Variants in CDK8 observed in about 807,000 individuals in gnomAD.
CDK8 encodes cyclin-dependent kinase 8.
Under a neutral mutation model 71.5 loss-of-function variants are expected in CDK8, and 29 were observed. That is an observed-to-expected ratio of 0.41 (90% CI 0.30 to 0.55). The LOEUF (loss-of-function observed/expected upper bound fraction) is 0.55. Among genes scored for constraint, CDK8 ranks in the 20% least tolerant of loss-of-function variants. The pLI, the probability that CDK8 is intolerant of heterozygous loss-of-function variation, is 0.37. For synonymous variants in CDK8, 161 were observed against 192.1 expected (o/e 0.84, Z 1.34); for missense variants, 288 against 572.6 (o/e 0.50, Z 5.07).
chr13:26,329,483 GT>G (rs543441898), intron 1 of CDK8, among the ~76,000 whole-genome samples: 8 of 128,492 alleles, frequency 6.2e-5, no homozygotes, highest in African/African-American at 2.5e-4. Flanking sequence ...TTTTTTTTTT[GT>G]TTTTTTTTTG....
At chr13:26,255,016 G>A (rs1871456446) in intron 1 of CDK8, among the ~76,000 whole-genome samples, 2 of 152,196 alleles carry the variant, frequency 1.3e-5, no homozygotes, top group Admixed American at 6.5e-5. Flanking sequence ...CTGCACCGTG[G>A]GCTGTATACT....
chr13:26,391,001 TAAAA>T lies in CDK8; in HGVS notation c.647-2353_647-2350del, dbSNP rs199698945. ...GACTTTCCATGAATTGGGCACAATCTAAAAAAAAAAAAAAAACAAGGTAGGAAAA... is the reference window on the plus strand; with the variant it reads ...GACTTTCCATGAATTGGGCACAATCTAAAAAAAAAAAACAAGGTAGGAAAA... On this transcript the variant is annotated intron_variant, in intron 6 of 12. Coordinates refer to ENST00000381527, the MANE Select transcript of CDK8 (RefSeq NM_001260.3). Among the ~76,000 whole-genome samples, 7 of 121,646 alleles carry T rather than the reference TAAAA, an allele frequency of 5.8e-5. 1 individual carries two copies. Among genetic ancestry groups the T allele is most frequent in the Admixed American group, 2.5e-4 (3 of 12,084 alleles). The allele number at this position is 121,646 out of a possible 152,430, so 79.8% of individuals were successfully genotyped here. A position where few individuals can be genotyped will look rare whatever the true frequency, so the allele number is the denominator to read the frequency against.
At chr13:26,311,988 C>G (rs993615625) in intron 1 of CDK8, among the ~76,000 whole-genome samples, 7 of 152,210 alleles carry the variant, frequency 4.6e-5, no homozygotes, top group Non-Finnish European at 1.0e-4. Flanking sequence ...AGCTCTGTAA[C>G]AGCAAATACT....
intron 1 of CDK8, among the ~76,000 whole-genome samples, chr13:26,287,238 C>T (rs1400094186): frequency 6.6e-6 from 1 of 152,196 alleles, no homozygotes; most frequent in Non-Finnish European, 1.5e-5. Context: ...ATGGAGCCCA[C>T]TTAAATGCCC....
chr13:26,311,264 C>T (rs1332186233), intron 1 of CDK8, among the ~76,000 whole-genome samples: 1 of 152,132 alleles, frequency 6.6e-6, no homozygotes, highest in African/African-American at 2.4e-5. Context: ...TAAAAGATCT[C>T]ACATTTTCTT....
intron 1 of CDK8, among the ~76,000 whole-genome samples, chr13:26,269,089 G>A (rs1367143110): frequency 2.0e-5 from 3 of 152,168 alleles, no homozygotes; most frequent in Non-Finnish European, 4.4e-5. Flanking sequence ...AGCCCTTTCT[G>A]TTGCCAGTAG....
At chr13:26,271,711 G>A (rs1019364650) in intron 1 of CDK8, among the ~76,000 whole-genome samples, 4 of 151,542 alleles carry the variant, frequency 2.6e-5, no homozygotes, top group East Asian at 1.9e-4. Flanking sequence ...TCAGGAGACC[G>A]AGGCGGTAGG....
chr13:26,323,298 TGAGAGAGAGA>T (rs10523917), intron 1 of CDK8, among the ~76,000 whole-genome samples: 7 of 132,144 alleles, frequency 5.3e-5, no homozygotes, highest in Admixed American at 1.5e-4. Flanking sequence ...TCCTCACATG[TGAGAGAGAGA>T]GAGAGAGAGA....
chr13:26,341,034 T>G (rs1873218629), intron 2 of CDK8, among the ~76,000 whole-genome samples: 1 of 152,216 alleles, frequency 6.6e-6, no homozygotes, highest in Non-Finnish European at 1.5e-5. Context: ...TCATCAGTAT[T>G]CCACAAGGCT....
At chr13:26,341,896 TTA>T (rs1445957499) in intron 2 of CDK8, among the ~76,000 whole-genome samples, 7 of 152,188 alleles carry the variant, frequency 4.6e-5, no homozygotes, top group Non-Finnish European at 8.8e-5. Context: ...ATGGAAACTA[TTA>T]TATGAGTATC....
intron 1 of CDK8, among the ~76,000 whole-genome samples, chr13:26,276,731 A>G (rs1872576439): frequency 6.6e-6 from 1 of 152,190 alleles, no homozygotes; most frequent in Non-Finnish European, 1.5e-5. Context: ...CTGCTGTAAT[A>G]TCATGTTTGT....
chr13:26,305,985 T>A (rs779430333), intron 1 of CDK8, among the ~76,000 whole-genome samples: 1 of 152,232 alleles, frequency 6.6e-6, no homozygotes, highest in Non-Finnish European at 1.5e-5. Flanking sequence ...TATTTTTTTT[T>A]ATACTGTATT....
intron 4 of CDK8, 83 bp from the exon 5 acceptor site, chr13:26,382,731 G>A: frequency 1.3e-6 from 1 of 764,552 alleles, no homozygotes; most frequent in South Asian, 2.1e-5. Context: ...TTTAAAAGGT[G>A]GATTTGTGTT....
chr13:26,377,474 G>A (rs146920989), intron 4 of CDK8, among the ~76,000 whole-genome samples: 1 of 152,342 alleles, frequency 6.6e-6, no homozygotes, highest in East Asian at 1.9e-4. Context: ...GAAGTTAGGT[G>A]TTTATAAGTA....
chr13:26,365,509 G>A (rs547657549), intron 4 of CDK8, among the ~76,000 whole-genome samples: 5 of 151,988 alleles, frequency 3.3e-5, no homozygotes, highest in South Asian at 2.1e-4. Flanking sequence ...ATATTATGTC[G>A]TTTGGTTTGC....
intron 1 of CDK8, among the ~76,000 whole-genome samples, chr13:26,323,151 C>T (rs888009804): frequency 1.3e-5 from 2 of 152,138 alleles, no homozygotes; most frequent in African/African-American, 4.8e-5. Flanking sequence ...GTTTGGGCTA[C>T]ATCTACATAG....
intron 2 of CDK8, among the ~76,000 whole-genome samples, chr13:26,341,928 A>ATT (rs1219277029): frequency 6.7e-6 from 1 of 148,508 alleles, no homozygotes; most frequent in African/African-American, 2.5e-5. Context: ...TCTGTTTTCA[A>ATT]TTTTTTTTTT....
At chr13:26,333,215 C>G (rs1356836558) in intron 1 of CDK8, among the ~76,000 whole-genome samples, 1 of 152,022 alleles carries the variant, frequency 6.6e-6, no homozygotes, top group Non-Finnish European at 1.5e-5. Flanking sequence ...TCCTGGCTCA[C>G]TGCAACCTCT....
In CDK8 at chr13:26,341,281, C is replaced by G. The variant is rs553253619; in HGVS notation, c.204+3639C>G. On this transcript the variant is annotated intron_variant, in intron 2 of 12. Transcript: ENST00000381527. The stretch of plus-strand genomic sequence containing the variant: ...AGTTAGGATTACAGGTGCGCGCCAC[C>G]ACACCCAGCTAATGTTTATATTTTT... 2.0e-5 allele frequency among the ~76,000 whole-genome samples: 3 copies of G among 152,252 alleles called. No individual in the cohort carries two copies. In the East Asian group the frequency reaches 5.8e-4, roughly 29 times the overall value.
Sources: gnomAD v4.1 joint callset for allele counts (sites outside exome capture counted in the v4.1 genomes callset) on GRCh38, gnomAD v4.1.1 for gene constraint, MANE v1.5 for transcripts, NCBI Gene and HGNC (gene_info 2026-07-23, HGNC 2026-07-21) for gene names.